The following NAALADL2 variants were observed in gnomAD, a reference collection of about 807,000 sequenced individuals.
NAALADL2 encodes the protein inactive N-acetylated-alpha-linked acidic dipeptidase-like protein 2.
In NAALADL2, 76 loss-of-function variants were observed where a neutral mutation model predicts 87.2. The ratio of observed to expected loss-of-function variants is 0.87; its 90% CI spans 0.72 to 1.05. NAALADL2 has a LOEUF of 1.05. NAALADL2 is among the 50% of genes least tolerant of loss of function. NAALADL2 has a pLI of 0.00. For missense variants in NAALADL2, 1,089 were observed against 945.8 expected, an observed-to-expected ratio of 1.15 and a Z score of -1.99; for synonymous variants, 354 against 331.0, an observed-to-expected ratio of 1.07 and a Z score of -0.75.
chr3:175,742,252 T>C (rs533138041), intron 12 of NAALADL2, among the ~76,000 whole-genome samples: 57 of 152,310 alleles, frequency 3.7e-4, no homozygotes, highest in Admixed American at 2.1e-3. Flanking sequence ...AGAAATAGAA[T>C]GGGAGGCAGG....
intron 1 of NAALADL2, among the ~76,000 whole-genome samples, chr3:174,970,767 A>G (rs1743513610): frequency 6.6e-6 from 1 of 152,162 alleles, no homozygotes; most frequent in Non-Finnish European, 1.5e-5. Context: ...GACTGCTATG[A>G]TATGGTCTAA....
intron 5 of NAALADL2, among the ~76,000 whole-genome samples, chr3:175,359,707 C>T (rs899752341): frequency 6.6e-6 from 1 of 151,980 alleles, no homozygotes. Context: ...CTACACTCCT[C>T]AAAGAATTAA....
At chr3:175,346,132 T>G (rs1763131331) in intron 5 of NAALADL2, among the ~76,000 whole-genome samples, 1 of 152,130 alleles carries the variant, frequency 6.6e-6, no homozygotes. Context: ...TGTAATTGTA[T>G]TATATTTTTC....
chr3:175,018,798 T>C (rs983179232), intron 1 of NAALADL2, among the ~76,000 whole-genome samples: 4 of 152,044 alleles, frequency 2.6e-5, no homozygotes, highest in African/African-American at 9.7e-5. Context: ...GTTTACATAG[T>C]GCCTCCATAC....
chr3:174,600,038 A>G (rs1718288045), intron 2 of NAALADL2, among the ~76,000 whole-genome samples: 1 of 152,134 alleles, frequency 6.6e-6, no homozygotes, highest in African/African-American at 2.4e-5. Flanking sequence ...ATTATTTATA[A>G]TATTCTATGT....
chr3:175,372,641 G>A (rs1766651872), intron 5 of NAALADL2, among the ~76,000 whole-genome samples: 1 of 152,164 alleles, frequency 6.6e-6, no homozygotes. Flanking sequence ...ACCAACATAT[G>A]CCTCATTGGC....
intron 1 of NAALADL2, among the ~76,000 whole-genome samples, chr3:174,887,661 G>C (rs73045481): frequency 0.086 from 13,022 of 152,114 alleles, 619 homozygotes; most frequent in Middle Eastern, 0.12. Context: ...GTCGGGCTTG[G>C]TGGTGCACAC....
intron 2 of NAALADL2, among the ~76,000 whole-genome samples, chr3:175,142,419 ATATAT>A (rs1452089384): frequency 6.6e-6 from 1 of 151,992 alleles, no homozygotes; most frequent in Non-Finnish European, 1.5e-5. Flanking sequence ...ATGTTACTAT[ATATAT>A]TATCTTAATC....
intron 1 of NAALADL2, among the ~76,000 whole-genome samples, chr3:174,975,454 T>C (rs73881578): frequency 0.021 from 3,130 of 152,242 alleles, 91 homozygotes; most frequent in African/African-American, 0.071. Context: ...CTGGTGTGCA[T>C]ACCTTGTATA....
chr3:175,609,253 A>C (rs2149667849), intron 10 of NAALADL2, among the ~76,000 whole-genome samples: 1 of 152,328 alleles, frequency 6.6e-6, no homozygotes, highest in African/African-American at 2.4e-5. Flanking sequence ...CATTGGAAGC[A>C]ATGAGAAGTG....
chr3:174,696,116 A>G (rs1212768893), intron 2 of NAALADL2, among the ~76,000 whole-genome samples: 1 of 152,026 alleles, frequency 6.6e-6, no homozygotes. Context: ...ATTAGTTTGG[A>G]TATGTTACCT....
At chr3:174,787,925 AAAAC>A (rs1421668382) in intron 3 of NAALADL2, among the ~76,000 whole-genome samples, 2 of 151,868 alleles carry the variant, frequency 1.3e-5, no homozygotes, top group African/African-American at 4.8e-5. Flanking sequence ...ACCCTGTCAA[AAAAC>A]AAACAAAACA....
intron 1 of NAALADL2, among the ~76,000 whole-genome samples, chr3:174,485,366 G>T (rs1332833742): frequency 2.0e-5 from 3 of 151,454 alleles, no homozygotes; most frequent in Non-Finnish European, 2.9e-5. Context: ...GTGTCATGGG[G>T]GTTTGTTTTA....
intron 11 of NAALADL2, among the ~76,000 whole-genome samples, chr3:175,706,667 T>C (rs1739772829): frequency 6.6e-6 from 1 of 152,184 alleles, no homozygotes; most frequent in Admixed American, 6.6e-5. Flanking sequence ...TTACAAATTA[T>C]GTTTGTTGAC....
At chr3:175,551,598 G>A (rs1714368131) in intron 9 of NAALADL2, among the ~76,000 whole-genome samples, 1 of 152,116 alleles carries the variant, frequency 6.6e-6, no homozygotes, top group Non-Finnish European at 1.5e-5. Context: ...CTTTGTATAT[G>A]ACAAAGTTCA....
At chr3:175,509,696 C>T (rs1385745262) in intron 9 of NAALADL2, among the ~76,000 whole-genome samples, 7 of 152,144 alleles carry the variant, frequency 4.6e-5, no homozygotes, top group Admixed American at 4.6e-4. Context: ...TTAGTCCATT[C>T]TCCTGCTGCT....
rs1312363549 is a variant in NAALADL2 at position 175,807,615 on chromosome 3, A to G, written c.*4412A>G. On this transcript the variant is annotated 3_prime_UTR_variant, in exon 14 of 14. Coordinates refer to ENST00000454872, the MANE Select transcript of NAALADL2 (RefSeq NM_207015.3). Reference sequence around the variant, plus strand: ...CTACCAATCCATATGTTGAGTGGAAAGGAAGTTGGCCCACATATTCCAATA... The same window carrying G: ...CTACCAATCCATATGTTGAGTGGAAGGGAAGTTGGCCCACATATTCCAATA... 1 of 151,928 alleles carries G rather than the reference A, an allele frequency of 6.6e-6. No individual in the cohort carries two copies. The highest frequency in any genetic ancestry group is 1.5e-5 in the Non-Finnish European group (1 of 67,908). The allele number at this position is 151,928 out of a possible 1,614,324, so 9.4% of individuals were successfully genotyped here. A position where few individuals can be genotyped will look rare whatever the true frequency, so the allele number is the denominator to read the frequency against.
intron 2 of NAALADL2, among the ~76,000 whole-genome samples, chr3:174,674,104 G>C (rs1726824126): frequency 6.6e-6 from 1 of 151,952 alleles, no homozygotes; most frequent in South Asian, 2.1e-4. Context: ...GTCTCAGGGA[G>C]CTTTAACTCA....
intron 5 of NAALADL2, among the ~76,000 whole-genome samples, chr3:175,375,098 T>G (rs567864454): frequency 6.6e-6 from 1 of 152,292 alleles, no homozygotes; most frequent in East Asian, 1.9e-4. Flanking sequence ...CATATAAGGT[T>G]CAGTCTACTA....
Sources: gnomAD v4.1 joint callset for allele counts (sites outside exome capture counted in the v4.1 genomes callset) on GRCh38, gnomAD v4.1.1 for gene constraint, MANE v1.5 for transcripts, NCBI Gene and HGNC (gene_info 2026-07-23, HGNC 2026-07-21) for gene names.